KCNQ3: variants seen among roughly 807,000 people sequenced by gnomAD.
KCNQ3 encodes the protein potassium voltage-gated channel subfamily Q member 3.
KCNQ3 carries 30 observed loss-of-function variants against 92.5 expected under a neutral mutation model. That is an observed-to-expected ratio of 0.32 (90% CI 0.24 to 0.44). The LOEUF is 0.44. Among genes scored for constraint, KCNQ3 ranks in the 20% least tolerant of loss-of-function variants. The pLI is 1.00. For synonymous variants in KCNQ3, 450 were observed against 468.8 expected (o/e 0.96, Z 0.52); for missense variants, 913 against 1,140.3 (o/e 0.80, Z 2.87).
At chr8:132,452,895 TG>T (rs1305879130) in intron 1 of KCNQ3, among the ~76,000 whole-genome samples, 1 of 152,220 alleles carries the variant, frequency 6.6e-6, no homozygotes, top group African/African-American at 2.4e-5. Context: ...GATGTTTGCC[TG>T]CCTAGAGCTC....
chr8:132,389,065 T>C (rs1819979462), intron 1 of KCNQ3, among the ~76,000 whole-genome samples: 3 of 152,234 alleles, frequency 2.0e-5, no homozygotes, highest in South Asian at 2.1e-4. Flanking sequence ...TAGACTTCAG[T>C]ATTTAAAAAA....
intron 1 of KCNQ3, among the ~76,000 whole-genome samples, chr8:132,390,464 G>C (rs1288062476): frequency 6.6e-6 from 1 of 152,148 alleles, no homozygotes; most frequent in Non-Finnish European, 1.5e-5. Flanking sequence ...CATAAAAAAT[G>C]ATATTAAAGC....
At chr8:132,313,759 G>C (rs770855679) in intron 1 of KCNQ3, among the ~76,000 whole-genome samples, 1 of 152,124 alleles carries the variant, frequency 6.6e-6, no homozygotes, top group Non-Finnish European at 1.5e-5. Context: ...ATTAGAACCA[G>C]AAATAAGAGT....
chr8:132,330,113 G>A (rs919546238), intron 1 of KCNQ3, among the ~76,000 whole-genome samples: 3 of 152,196 alleles, frequency 2.0e-5, no homozygotes, highest in Admixed American at 6.5e-5. Context: ...GACATCCAGA[G>A]CAGAGGTACA....
intron 1 of KCNQ3, among the ~76,000 whole-genome samples, chr8:132,354,480 C>A (rs986730384): frequency 1.3e-5 from 2 of 152,148 alleles, no homozygotes; most frequent in Non-Finnish European, 2.9e-5. Context: ...TGTTTCATGG[C>A]CCTGAACTTC....
intron 1 of KCNQ3, among the ~76,000 whole-genome samples, chr8:132,399,066 G>C (rs1383419679): frequency 6.6e-6 from 1 of 152,146 alleles, no homozygotes; most frequent in Non-Finnish European, 1.5e-5. Flanking sequence ...AAATAGGAAG[G>C]CTTCTCCAGA....
At chr8:132,389,229 G>C (rs975207152) in intron 1 of KCNQ3, among the ~76,000 whole-genome samples, 1 of 152,294 alleles carries the variant, frequency 6.6e-6, no homozygotes, top group African/African-American at 2.4e-5. Context: ...GGCTGAGGTG[G>C]TTGGATTATC....
intron 9 of KCNQ3, among the ~76,000 whole-genome samples, chr8:132,146,160 A>C (rs1445248888): frequency 6.6e-6 from 1 of 152,280 alleles, no homozygotes; most frequent in African/African-American, 2.4e-5. Context: ...AAAGTATTTG[A>C]AGTTTGCATT....
intron 12 of KCNQ3, among the ~76,000 whole-genome samples, chr8:132,134,754 T>A (rs1293450454): frequency 6.6e-6 from 1 of 151,998 alleles, no homozygotes; most frequent in Non-Finnish European, 1.5e-5. Flanking sequence ...CTTGTTATTT[T>A]TTTTTTTTCA....
intron 1 of KCNQ3, among the ~76,000 whole-genome samples, chr8:132,385,495 G>A (rs1310302544): frequency 6.6e-6 from 1 of 152,216 alleles, no homozygotes; most frequent in Non-Finnish European, 1.5e-5. Flanking sequence ...AGGTCAGGAA[G>A]GTTGTGTCCT....
intron 1 of KCNQ3, among the ~76,000 whole-genome samples, chr8:132,318,016 C>G (rs1817791693): frequency 6.6e-6 from 1 of 152,188 alleles, no homozygotes; most frequent in South Asian, 2.1e-4. Flanking sequence ...AAAGCAGCAT[C>G]CACCCAGGCA....
chr8:132,170,431 G>A lies in KCNQ3; in HGVS notation c.1141-3C>T, dbSNP rs377479583. ...GTAGCATAATACCTCCAGGCAGCCT[G>A]AGGGGCAGAAAAGAGGGGCAACAAT... On this transcript the variant is annotated splice_region_variant and splice_polypyrimidine_tract_variant and intron_variant, in intron 7 of 14. Coordinates refer to ENST00000388996, the MANE Select transcript of KCNQ3 (RefSeq NM_004519.4). 60 of 1,609,904 alleles carry A rather than the reference G, an allele frequency of 3.7e-5. No homozygotes were observed. Among genetic ancestry groups the A allele is most frequent in the Non-Finnish European group, 5.1e-5 (60 of 1,176,614 alleles).
At chr8:132,143,772 G>A (rs981063774) in intron 9 of KCNQ3, among the ~76,000 whole-genome samples, 7 of 152,190 alleles carry the variant, frequency 4.6e-5, no homozygotes, top group Non-Finnish European at 8.8e-5. Context: ...GGCTGACGAT[G>A]TGTGTGAAAA....
Position 132,129,576 on chromosome 8 carries a change from G to A in KCNQ3, c.2305C>T (p.Pro769Ser), listed in dbSNP as rs759127349. 1.2e-6 allele frequency: 2 copies of A among 1,614,040 alleles called. No individual in the cohort carries two copies. Among genetic ancestry groups the A allele is most frequent in the East Asian group, 4.5e-5 (2 of 44,882 alleles). ...CGGGGGGAGATTCGGTCCGAGTAGG[G>A]GCCCTGCAGGTCAGCCTGGGAGTGG... is the stretch of plus-strand genomic sequence containing the variant. ...SCHSQADLQG[P>S]YSDRISPRQR... The change falls in exon 15 of 15, where the codon CCC becomes TCC. Residue 769 changes from proline to serine, a missense_variant. This residue lies in a region of KCNQ3 where 375 missense variants were observed against 376.4 expected (regional missense o/e 1.00). Coordinates refer to ENST00000388996, the MANE Select transcript of KCNQ3 (RefSeq NM_004519.4). This position sits in a 1 kb window ranked among gnomAD's most constrained non-coding sequence, Gnocchi z 5.9.
intron 1 of KCNQ3, among the ~76,000 whole-genome samples, chr8:132,421,976 T>A (rs1223876880): frequency 6.6e-6 from 1 of 152,156 alleles, no homozygotes; most frequent in African/African-American, 2.4e-5. Flanking sequence ...AGGCCTCTAG[T>A]GCTGGGGCTG....
rs560494944 is a variant in KCNQ3, at chr8:132,127,632, T to C, written c.*1630A>G. ...ACATTTGTTTAGGTCATCTGGATTA[T>C]CTTGATTGTCACCATGGCAACTATC... On this transcript the variant is annotated 3_prime_UTR_variant, in exon 15 of 15. Coordinates refer to ENST00000388996, the MANE Select transcript of KCNQ3 (RefSeq NM_004519.4). The C allele has an allele frequency of 1.3e-5, 2 of 152,354 alleles. No homozygotes were observed. The highest frequency in any genetic ancestry group is 4.8e-5 in the African/African-American group (2 of 41,590). 9.4% of individuals were successfully genotyped at this position (152,354 alleles called of 1,614,324 possible).
At chr8:132,380,770 C>G (rs1275173365) in intron 1 of KCNQ3, among the ~76,000 whole-genome samples, 4 of 151,170 alleles carry the variant, frequency 2.6e-5, no homozygotes, top group Middle Eastern at 3.2e-3. Context: ...CACGGAATAG[C>G]CTGCCTGTAT....
At chr8:132,434,568 A>G (rs1461004482) in intron 1 of KCNQ3, among the ~76,000 whole-genome samples, 2 of 152,206 alleles carry the variant, frequency 1.3e-5, no homozygotes, top group Admixed American at 1.3e-4. Context: ...TTTTATCTCC[A>G]TTAGATAAAA....
At chr8:132,303,087 C>T (rs867570995) in intron 1 of KCNQ3, among the ~76,000 whole-genome samples, 1 of 152,108 alleles carries the variant, frequency 6.6e-6, no homozygotes, top group Non-Finnish European at 1.5e-5. Flanking sequence ...AGGGAAGGAG[C>T]CCAAGAGGGC....
Sources: allele counts gnomAD v4.1 joint callset (sites outside exome capture counted in the v4.1 genomes callset), GRCh38; gene constraint gnomAD v4.1.1; regional missense constraint gnomAD v4.1.1; non-coding constraint Gnocchi (gnomAD v3.1); transcripts MANE v1.5; gene names NCBI Gene and HGNC (gene_info 2026-07-23, HGNC 2026-07-21).